Variants in AGAP6 observed in about 807,000 individuals in gnomAD.
AGAP6 encodes arf-GAP with GTPase, ANK repeat and PH domain-containing protein 6.
Under a neutral mutation model 63.9 loss-of-function variants are expected in AGAP6, and 29 were observed. The ratio of observed to expected loss-of-function variants is 0.45; its 90% CI spans 0.34 to 0.62. The LOEUF (loss-of-function observed/expected upper bound fraction) is 0.62, where lower values mean the gene tolerates loss of function less well. Among genes scored for constraint, AGAP6 ranks in the 20% least tolerant of loss-of-function variants. The pLI is 0.01. For missense variants in AGAP6, 493 were observed against 884.9 expected, an observed-to-expected ratio of 0.56 and a Z score of 5.62; for synonymous variants, 199 against 332.9, an observed-to-expected ratio of 0.60 and a Z score of 4.38.
At position 50,009,169 on chromosome 10, in the gene AGAP6, C is replaced by T; in HGVS notation, c.1044C>T (p.Ala348=). The T allele has an allele frequency of 6.2e-7, 1 of 1,614,204 alleles. No individual in the cohort carries two copies. Among genetic ancestry groups the T allele is most frequent in the South Asian group, 1.1e-5 (1 of 91,080 alleles). ...TCCCAGGAAAGTGGCCATCCCTAGC[C>T]ACATCGGCCTGCACACCCATCTCCA... is the stretch of plus-strand genomic sequence containing the variant. ...IKVPGKWPSL[A]TSACTPISSS... is the part of the protein sequence containing the mutation. Residue 348 remains alanine, a synonymous_variant, in exon 8 of 8, where the codon GCC becomes GCT. Coordinates refer to ENST00000412531, the MANE Select transcript of AGAP6 (RefSeq NM_001077665.3).
At chr10:49,995,772 T>C (rs1841459913) in intron 4 of AGAP6, among the ~76,000 whole-genome samples, 1 of 152,222 alleles carries the variant, frequency 6.6e-6, no homozygotes, top group African/African-American at 2.4e-5. Context: ...GATGTTAAAA[T>C]CCCTCCTCTT....
At chr10:49,989,274 A>G in intron 1 of AGAP6, 34 bp from the exon 2 acceptor site, 4 of 1,595,872 alleles carry the variant, frequency 2.5e-6, no homozygotes, top group South Asian at 1.1e-5. Flanking sequence ...ATAAATGATT[A>G]CATCCTTTTT....
intron 4 of AGAP6, among the ~76,000 whole-genome samples, chr10:50,001,288 C>T (rs1288778331): frequency 2.7e-5 from 4 of 150,828 alleles, no homozygotes; most frequent in African/African-American, 9.9e-5. Flanking sequence ...CGAGATTGCA[C>T]CACTGCACTC....
At position 50,004,703 on chromosome 10, in the gene AGAP6, T is replaced by G; in HGVS notation, c.516T>G (p.Pro172=). 1 of 1,362,880 alleles carries G rather than the reference T, an allele frequency of 7.3e-7. No individual in the cohort carries two copies. The highest frequency in any genetic ancestry group is 2.3e-5 in the Admixed American group (1 of 43,406). 84.4% of individuals were successfully genotyped at this position (1,362,880 alleles called of 1,614,324 possible). The part of the protein sequence containing the change: ...MTIISVTLEI[P]HHITQRDADR... The stretch of plus-strand genomic sequence containing the variant: ...TCCACAGTGTGACCTTGGAGATACC[T>G]CATCATATCACACAAAGGTGAGCTT... The change falls in exon 6 of 8, where the codon CCT becomes CCG. Residue 172 remains proline (P), a synonymous_variant. Coordinates refer to ENST00000412531, the MANE Select transcript of AGAP6 (RefSeq NM_001077665.3).
chr10:50,001,919 T>C (rs1841727845), intron 4 of AGAP6, 77 bp from the exon 5 acceptor site: 1 of 1,488,620 alleles, frequency 6.7e-7, no homozygotes, highest in South Asian at 1.2e-5. Context: ...CATATCTTAG[T>C]GCTTTGTCAT....
chr10:50,001,472 T>C (rs1190391700), intron 4 of AGAP6, among the ~76,000 whole-genome samples: 1 of 108,876 alleles, frequency 9.2e-6, no homozygotes, highest in Non-Finnish European at 2.0e-5. Flanking sequence ...CGGCCTGGAG[T>C]GCAGTGGCGC....
chr10:50,009,593 G>C lies in AGAP6; in HGVS notation c.1468G>C (p.Ala490Pro). The stretch of plus-strand genomic sequence containing the variant: ...CTGTGAGACCCAGAATCCTAAGTGG[G>C]CCAGTTTGAACTTGGGAGTCCTCAT... ...VDCETQNPKW[A>P]SLNLGVLMCI... Residue 490 changes from alanine (A) to proline (P), a missense_variant, in exon 8 of 8, where the codon GCC (alanine) becomes CCC (proline). Physicochemically the swap from Ala to Pro is conservative, Grantham distance 27 (BLOSUM62 -1). Transcript: ENST00000412531. 1 of 1,614,094 alleles carries C rather than the reference G, an allele frequency of 6.2e-7. No homozygotes were observed. The highest frequency in any genetic ancestry group is 8.5e-7 in the Non-Finnish European group (1 of 1,179,986).
intron 5 of AGAP6, among the ~76,000 whole-genome samples, chr10:50,003,349 A>T (rs1353743225): frequency 6.6e-6 from 1 of 151,080 alleles, no homozygotes; most frequent in Non-Finnish European, 1.5e-5. Context: ...TGTCAGTGGG[A>T]TAGGTGGAAC....
At chr10:49,989,411 C>G (rs782522223) in intron 2 of AGAP6, 35 bp downstream of exon 2, 13 of 1,597,126 alleles carry the variant, frequency 8.1e-6, no homozygotes, top group Non-Finnish European at 1.1e-5. Context: ...TATTTATTAT[C>G]CTGTGGTACT....
In AGAP6 at chr10:50,009,598, T is replaced by G; in HGVS notation, c.1473T>G (p.Ser491Arg). The change falls in exon 8 of 8, where the codon AGT becomes AGG. Residue 491 changes from serine (S) to arginine (R), a missense_variant. Ser to Arg is a moderately radical substitution (Grantham distance 110, BLOSUM62 -1). Around this residue, in one of 7 missense-constraint regions of AGAP6, gnomAD observed 87 missense variants for 92.9 expected, o/e 0.94. Transcript: ENST00000412531. ...DCETQNPKWA[S>R]LNLGVLMCIE... is the part of the protein sequence containing the mutation. ...AGACCCAGAATCCTAAGTGGGCCAG[T>G]TTGAACTTGGGAGTCCTCATGTGTA... is the stretch of plus-strand genomic sequence containing the variant. The G allele has an allele frequency of 6.2e-7, 1 of 1,614,108 alleles. No homozygotes were observed. The highest frequency in any genetic ancestry group is 8.5e-7 in the Non-Finnish European group (1 of 1,179,988).
intron 6 of AGAP6, among the ~76,000 whole-genome samples, chr10:50,005,198 T>C (rs1287866255): frequency 6.6e-6 from 1 of 152,258 alleles, no homozygotes; most frequent in Non-Finnish European, 1.5e-5. Context: ...AAATAACTTT[T>C]CTACAACAAA....
chr10:49,989,704 G>C (rs1380345078), intron 2 of AGAP6, among the ~76,000 whole-genome samples: 5 of 152,128 alleles, frequency 3.3e-5, no homozygotes, highest in African/African-American at 1.2e-4. Context: ...CTTGATAGAA[G>C]CTGCTTAGTT....
chr10:49,995,791 A>T (rs531865296), intron 4 of AGAP6, among the ~76,000 whole-genome samples: 1 of 152,340 alleles, frequency 6.6e-6, no homozygotes, highest in East Asian at 1.9e-4. Flanking sequence ...TTTGATAGAG[A>T]GTACACCTCT....
intron 4 of AGAP6, among the ~76,000 whole-genome samples, chr10:50,001,284 T>C (rs4043596): frequency 0.02 from 2,951 of 147,642 alleles, 112 homozygotes; most frequent in African/African-American, 0.071. Context: ...GAGCCGAGAT[T>C]GCACCACTGC....
intron 4 of AGAP6, among the ~76,000 whole-genome samples, chr10:49,995,404 A>G (rs1389278767): frequency 6.6e-6 from 1 of 152,172 alleles, no homozygotes; most frequent in African/African-American, 2.4e-5. Context: ...ATTTTTTAGC[A>G]TGAAGCTAAT....
At chr10:50,004,051 G>A (rs1367204494) in intron 5 of AGAP6, among the ~76,000 whole-genome samples, 2 of 152,144 alleles carry the variant, frequency 1.3e-5, no homozygotes, top group Non-Finnish European at 2.9e-5. Flanking sequence ...TGGGCGTGGT[G>A]GCACATGCCT....
At position 50,009,118 on chromosome 10, in the gene AGAP6, T is replaced by G. The variant is rs781919660; in HGVS notation, c.993T>G (p.Ile331Met). ...DYMKNIHKKE[I>M]DLQTSTIKVP... ...TGAAGAATATTCATAAAAAAGAGAT[T>G]GACCTTCAGACATCTACCATCAAAG... Residue 331 changes from isoleucine to methionine, a missense_variant, in exon 8 of 8, where the codon ATT becomes ATG. Around this residue, in one of 7 missense-constraint regions of AGAP6, gnomAD observed 342 missense variants for 533.4 expected, o/e 0.64. Transcript: ENST00000412531. 1.2e-6 allele frequency: 2 copies of G among 1,613,908 alleles called. No individual in the cohort carries two copies. The highest frequency in any genetic ancestry group is 1.7e-6 in the Non-Finnish European group (2 of 1,179,970).
In AGAP6 at chr10:49,998,012, A is replaced by G. The variant is rs1297540213; in HGVS notation, c.396+3583A>G. On this transcript the variant is annotated intron_variant, in intron 4 of 7. Coordinates refer to ENST00000412531, the MANE Select transcript of AGAP6 (RefSeq NM_001077665.3). ...TCCTCATATATATATATATATATAT[A>G]TATGTATGTATATCACGGTTTCTTT... 2.4e-3 allele frequency among the ~76,000 whole-genome samples: 331 copies of G among 136,406 alleles called. 45 individuals carry two copies. The highest frequency in any genetic ancestry group is 8.3e-3 in the African/African-American group (293 of 35,188). The allele number at this position is 136,406 out of a possible 152,430, so 89.5% of individuals were successfully genotyped here.
At position 50,010,292 on chromosome 10, in the gene AGAP6, A is replaced by G. The variant is rs1842065385; in HGVS notation, c.*106A>G. On this transcript the variant is annotated 3_prime_UTR_variant, in exon 8 of 8. Coordinates refer to ENST00000412531, the MANE Select transcript of AGAP6 (RefSeq NM_001077665.3). The stretch of plus-strand genomic sequence containing the variant: ...AATCACAAATTCAGCTAATATTAGC[A>G]TTTTCAGTACTTTTCGTAAACTAAG... 6.2e-7 allele frequency: 1 copy of G among 1,602,812 alleles called. No individual in the cohort carries two copies. The highest frequency in any genetic ancestry group is 1.1e-5 in the South Asian group (1 of 90,256).
Sources: allele counts gnomAD v4.1 joint callset (sites outside exome capture counted in the v4.1 genomes callset), GRCh38; gene constraint gnomAD v4.1.1; regional missense constraint gnomAD v4.1.1; transcripts MANE v1.5; gene names NCBI Gene and HGNC (gene_info 2026-07-23, HGNC 2026-07-21).